Variants in MAPK10 observed in about 807,000 individuals in gnomAD.
MAPK10 encodes the protein mitogen-activated protein kinase 10, also known as JNK3 alpha protein kinase.
Under a neutral mutation model 59.3 loss-of-function variants are expected in MAPK10, and 25 were observed. That is an observed-to-expected ratio of 0.42 (90% confidence interval 0.31 to 0.59). The LOEUF is 0.59. Ranked by LOEUF, MAPK10 falls within the 20% of genes least tolerant of loss-of-function variation. The pLI is 0.15. For synonymous variants in MAPK10, 190 were observed against 200.5 expected, an observed-to-expected ratio of 0.95 and a Z score of 0.44; for missense variants, 351 against 568.9, an observed-to-expected ratio of 0.62 and a Z score of 3.90.
chr4:86,069,434 C>G (rs1248371511), intron 9 of MAPK10, among the ~76,000 whole-genome samples: 2 of 151,966 alleles, frequency 1.3e-5, no homozygotes, highest in Non-Finnish European at 1.5e-5. Context: ...TTGATAGAAG[C>G]TCATCTAATT....
At chr4:86,373,563 G>A (rs1739260481) in intron 1 of MAPK10, among the ~76,000 whole-genome samples, 1 of 151,812 alleles carries the variant, frequency 6.6e-6, no homozygotes, top group African/African-American at 2.4e-5. Context: ...AAATTTACAA[G>A]AAAAAACAAC....
At chr4:86,482,358 C>A (rs985768212) in intron 1 of MAPK10, among the ~76,000 whole-genome samples, 2 of 152,108 alleles carry the variant, frequency 1.3e-5, no homozygotes, top group Non-Finnish European at 2.9e-5. Context: ...AAACAATAGT[C>A]AGTCCACCAA....
chr4:86,450,944 T>C (rs541692530), intron 1 of MAPK10, among the ~76,000 whole-genome samples: 1 of 152,348 alleles, frequency 6.6e-6, no homozygotes, highest in South Asian at 2.1e-4. Flanking sequence ...ATAAAATTAG[T>C]GTCTGACATG....
intron 2 of MAPK10, among the ~76,000 whole-genome samples, chr4:86,305,048 T>C (rs953121472): frequency 1.3e-5 from 2 of 152,184 alleles, no homozygotes; most frequent in Non-Finnish European, 2.9e-5. Flanking sequence ...AAAATACTAG[T>C]AATACCAAAA....
At chr4:86,219,933 C>T (rs907132253) in intron 2 of MAPK10, 12 of 152,060 alleles carry the variant, frequency 7.9e-5, no homozygotes, top group African/African-American at 2.4e-4. Context: ...TTAATATTTT[C>T]TTTTCTAGAA....
At chr4:86,359,288 C>CTGTGTGTGTGTGTG (rs1554248575) in intron 1 of MAPK10, among the ~76,000 whole-genome samples, 1 of 94,606 alleles carries the variant, frequency 1.1e-5, no homozygotes, top group Admixed American at 1.1e-4. Flanking sequence ...CTCTCTCTCT[C>CTGTGTGTGTGTGTG]TGTGTGTGTG....
At chr4:86,585,742 G>T (rs72665762) in intron 1 of MAPK10, among the ~76,000 whole-genome samples, 1 of 152,078 alleles carries the variant, frequency 6.6e-6, no homozygotes, top group South Asian at 2.1e-4. Context: ...GTAAGTCTGG[G>T]TTTGGCTCTA....
At chr4:86,187,664 A>G (rs1214087359) in intron 3 of MAPK10, among the ~76,000 whole-genome samples, 1 of 152,166 alleles carries the variant, frequency 6.6e-6, no homozygotes, top group Non-Finnish European at 1.5e-5. Flanking sequence ...AATATAATCA[A>G]AGAAGAAATC....
At position 86,168,630 on chromosome 4, in the gene MAPK10, G is replaced by A. The variant is rs1272905435; in HGVS notation, c.67-9163C>T. 6.6e-5 allele frequency among the ~76,000 whole-genome samples: 10 copies of A among 152,278 alleles called. No homozygotes were observed. The East Asian group carries it at 1.6e-3, about 24-fold the overall frequency. On this transcript the variant is annotated intron_variant, in intron 3 of 13. Coordinates refer to ENST00000641462, the MANE Select transcript of MAPK10 (RefSeq NM_138982.4). ...GCCTCTGTAGGCTCCACCTCTGGGG[G>A]CAGGGCACAGACAAACAAAAAGACA...
intron 6 of MAPK10, chr4:86,102,271 C>T (rs912853749): frequency 3.8e-5 from 15 of 391,234 alleles, no homozygotes; most frequent in Middle Eastern, 6.9e-4. Context: ...GATTTGTTAC[C>T]TTAATTTTGC....
intron 2 of MAPK10, among the ~76,000 whole-genome samples, chr4:86,229,282 T>C (rs1457236063): frequency 1.3e-5 from 2 of 152,172 alleles, no homozygotes; most frequent in African/African-American, 4.8e-5. Context: ...ACATCAATTA[T>C]ACACCATTAA....
At chr4:86,321,381 T>C (rs1308786163) in intron 2 of MAPK10, among the ~76,000 whole-genome samples, 1 of 151,858 alleles carries the variant, frequency 6.6e-6, no homozygotes, top group African/African-American at 2.4e-5. Context: ...GTGGCACATA[T>C]ACACCATGGA....
intron 1 of MAPK10, among the ~76,000 whole-genome samples, chr4:86,438,146 A>T (rs1442053450): frequency 1.3e-5 from 2 of 152,178 alleles, no homozygotes; most frequent in Non-Finnish European, 1.5e-5. Context: ...AATTACTACT[A>T]ATATTCTAAT....
At position 86,258,375 on chromosome 4, in the gene MAPK10, C is replaced by A. The variant is rs573371859; in HGVS notation, c.-6-63968G>T. Reference sequence around the variant, plus strand: ...TCCCCATTTTCCTTGTTCTCAGGTGCCTCCTCCTATAAATTAACATCCTCC... The same window carrying A: ...TCCCCATTTTCCTTGTTCTCAGGTGACTCCTCCTATAAATTAACATCCTCC... On this transcript the variant is annotated intron_variant, in intron 2 of 13. Transcript: ENST00000641462. Among the ~76,000 whole-genome samples, 7 of 152,206 alleles carry A rather than the reference C, an allele frequency of 4.6e-5. No homozygotes were observed. In the South Asian group the frequency reaches 1.2e-3, roughly 27 times the overall value.
At chr4:86,301,725 C>T (rs1486516824) in intron 2 of MAPK10, among the ~76,000 whole-genome samples, 1 of 152,094 alleles carries the variant, frequency 6.6e-6, no homozygotes. Flanking sequence ...ACAGTCTACC[C>T]TCAAAGAACT....
At chr4:86,108,363 C>G (rs1243581625) in intron 4 of MAPK10, among the ~76,000 whole-genome samples, 1 of 152,122 alleles carries the variant, frequency 6.6e-6, no homozygotes, top group Non-Finnish European at 1.5e-5. Flanking sequence ...AACTTTGAGT[C>G]CTGCTGGGTT....
At chr4:86,358,250 C>A in intron 1 of MAPK10, 3 of 985,348 alleles carry the variant, frequency 3.0e-6, no homozygotes, top group Non-Finnish European at 3.6e-6. Context: ...GAGAAATGGT[C>A]CTTACTGCAA....
intron 9 of MAPK10, chr4:86,095,492 C>T (rs1453140908): frequency 6.6e-6 from 1 of 151,732 alleles, no homozygotes; most frequent in African/African-American, 2.4e-5. Context: ...ACATGAGAAC[C>T]TCTGATTGTT....
rs544453162 is a variant in MAPK10 at position 86,430,535 on chromosome 4, A to G, written c.-122+22495T>C. 4.6e-5 allele frequency among the ~76,000 whole-genome samples: 7 copies of G among 152,220 alleles called. No homozygotes were observed. The East Asian group carries it at 1.2e-3, about 25-fold the overall frequency. ...TGGCAGGAGATACCGATATTTAAAT[A>G]AACGAGTAGTTATATACCATAGAGT... is the stretch of plus-strand genomic sequence containing the variant. On this transcript the variant is annotated intron_variant, in intron 1 of 13. Transcript: ENST00000361569.
Sources: allele counts gnomAD v4.1 joint callset (sites outside exome capture counted in the v4.1 genomes callset), GRCh38; gene constraint gnomAD v4.1.1; transcripts MANE v1.5; gene names NCBI Gene and HGNC (gene_info 2026-07-23, HGNC 2026-07-21).